Variants in EYS observed in about 807,000 individuals in gnomAD.
EYS encodes the protein EGF-like photoreceptor maintenance factor, also known as protein eyes shut homolog.
EYS carries 250 observed loss-of-function variants against 282.1 expected under a neutral mutation model. The observed-to-expected ratio is 0.89, with a 90% CI of 0.80 to 0.98. The LOEUF (loss-of-function observed/expected upper bound fraction) is 0.98. EYS is among the 50% of genes least tolerant of loss of function. The pLI, the probability that EYS is intolerant of heterozygous loss-of-function variation, is 0.00. For missense variants in EYS, 4,016 were observed against 3,709.0 expected (o/e 1.08, Z -2.15); for synonymous variants, 1,355 against 1,282.9 (o/e 1.06, Z -1.20).
chr6:64,388,768 A>G lies in EYS; in HGVS notation c.6000T>C (p.Asn2000=). The G allele has an allele frequency of 6.5e-7, 1 of 1,545,358 alleles. No homozygotes were observed. Among genetic ancestry groups the G allele is most frequent in the Non-Finnish European group, 8.7e-7 (1 of 1,143,842 alleles). ...TTGGCAGGGGTTTTCCGAGTACATG[A>G]TTGATAGATTCGCATATTTGTGTAT... ...GRNTQICESI[N]HVLGKPLPKS... Residue 2000 remains asparagine, a synonymous_variant, in exon 29 of 43, where the codon AAT becomes AAC. Transcript: ENST00000503581.
chr6:64,530,854 T>C (rs1289561480), intron 26 of EYS, among the ~76,000 whole-genome samples: 1 of 152,098 alleles, frequency 6.6e-6, no homozygotes, highest in Non-Finnish European at 1.5e-5. Context: ...CTCCAAAAGC[T>C]AAACGTGAGT....
intron 31 of EYS, among the ~76,000 whole-genome samples, chr6:64,105,520 C>T (rs896524093): frequency 2.0e-5 from 3 of 152,056 alleles, no homozygotes; most frequent in East Asian, 1.9e-4. Context: ...AACAAATGTA[C>T]GACATGTCCA....
At chr6:64,041,888 C>CT (rs1562170017) in intron 33 of EYS, among the ~76,000 whole-genome samples, 1 of 152,124 alleles carries the variant, frequency 6.6e-6, no homozygotes, top group Non-Finnish European at 1.5e-5. Flanking sequence ...TAAATATGAT[C>CT]TTTTTTTAAA....
At chr6:65,318,325 G>C (rs1769371778) in intron 11 of EYS, among the ~76,000 whole-genome samples, 1 of 151,744 alleles carries the variant, frequency 6.6e-6, no homozygotes, top group Admixed American at 6.6e-5. Context: ...GAGAGAACAA[G>C]AGAGCTCAAC....
chr6:63,816,039 T>C (rs1159138534), intron 36 of EYS, among the ~76,000 whole-genome samples: 1 of 152,130 alleles, frequency 6.6e-6, no homozygotes, highest in African/African-American at 2.4e-5. Context: ...AGTGGCATCT[T>C]GCAAAATACT....
chr6:63,750,062 G>A (rs1483282683), intron 41 of EYS, among the ~76,000 whole-genome samples: 1 of 152,102 alleles, frequency 6.6e-6, no homozygotes, highest in Non-Finnish European at 1.5e-5. Context: ...GAATTGTTCA[G>A]TTCAGTTTTT....
At chr6:65,212,501 G>A (rs1478239081) in intron 12 of EYS, among the ~76,000 whole-genome samples, 3 of 152,006 alleles carry the variant, frequency 2.0e-5, no homozygotes, top group African/African-American at 4.8e-5. Flanking sequence ...TTAGCCACTA[G>A]TTATGTGTTA....
At chr6:64,325,066 G>A (rs1178606717) in intron 29 of EYS, among the ~76,000 whole-genome samples, 4 of 152,090 alleles carry the variant, frequency 2.6e-5, no homozygotes, top group African/African-American at 7.2e-5. Context: ...TATTCCTATC[G>A]AACTACCAAA....
At chr6:64,721,524 C>G (rs888786113) in intron 22 of EYS, among the ~76,000 whole-genome samples, 43 of 152,082 alleles carry the variant, frequency 2.8e-4, no homozygotes, top group African/African-American at 9.9e-4. Flanking sequence ...TTGATGGCCT[C>G]AAATGGGTGG....
chr6:65,622,098 G>C (rs1012364831), intron 2 of EYS, among the ~76,000 whole-genome samples: 2 of 152,090 alleles, frequency 1.3e-5, no homozygotes, highest in African/African-American at 4.8e-5. Flanking sequence ...AGCAATAAAG[G>C]GATATCTAAA....
At position 64,311,992 on chromosome 6, in the gene EYS, T is replaced by TTTTC. The variant is rs1554142339; in HGVS notation, c.6079-4911_6079-4910insGAAA. Among the ~76,000 whole-genome samples the TTTTC allele has an allele frequency of 2.0e-5, 3 of 150,796 alleles. No homozygotes were observed. The East Asian group carries it at 5.9e-4, about 29-fold the overall frequency. ...TAGCTGCAGAAGGTTTTTTTTTTTT[T>TTTTC]CATACCCCAGTGGCACCTGGAATGC... On this transcript the variant is annotated intron_variant, in intron 29 of 42. Coordinates refer to ENST00000503581, the MANE Select transcript of EYS (RefSeq NM_001142800.2).
At chr6:65,130,420 GT>G (rs1356608223) in intron 12 of EYS, among the ~76,000 whole-genome samples, 1 of 151,820 alleles carries the variant, frequency 6.6e-6, no homozygotes, top group Non-Finnish European at 1.5e-5. Context: ...AGTTTTTGAA[GT>G]TGTAAGACAA....
chr6:65,597,220 C>T (rs1165811437), intron 2 of EYS, among the ~76,000 whole-genome samples: 1 of 152,046 alleles, frequency 6.6e-6, no homozygotes, highest in Admixed American at 6.6e-5. Flanking sequence ...CTTTAAATTA[C>T]TAATACGCAC....
chr6:65,520,624 G>A (rs1767330510), intron 2 of EYS, among the ~76,000 whole-genome samples: 2 of 151,508 alleles, frequency 1.3e-5, no homozygotes, highest in Non-Finnish European at 2.9e-5. Context: ...ACATATATGT[G>A]TGTATATATG....
At chr6:64,458,779 A>C (rs2150483283) in intron 26 of EYS, among the ~76,000 whole-genome samples, 1 of 152,228 alleles carries the variant, frequency 6.6e-6, no homozygotes, top group African/African-American at 2.4e-5. Context: ...CTCCATGGAA[A>C]TCCTCTGATC....
chr6:65,543,207 C>T (rs9453325), intron 2 of EYS, among the ~76,000 whole-genome samples: 3,043 of 126,776 alleles, frequency 0.024, 101 homozygotes, highest in African/African-American at 0.086. Context: ...TTAGTAGAGA[C>T]GGGATTTCAC....
intron 28 of EYS, among the ~76,000 whole-genome samples, chr6:64,409,851 T>C (rs899460517): frequency 6.6e-6 from 1 of 151,980 alleles, no homozygotes; most frequent in Non-Finnish European, 1.5e-5. Flanking sequence ...TCTAAATTTT[T>C]TTAAAGACAT....
intron 35 of EYS, among the ~76,000 whole-genome samples, chr6:63,899,831 C>T (rs1273472728): frequency 6.6e-6 from 1 of 152,140 alleles, no homozygotes; most frequent in African/African-American, 2.4e-5. Context: ...GTGTTTTGCC[C>T]CTGCCAGGTG....
chr6:64,887,193 C>A (rs1242275767), intron 18 of EYS, among the ~76,000 whole-genome samples: 3 of 148,760 alleles, frequency 2.0e-5, no homozygotes, highest in African/African-American at 5.0e-5. Flanking sequence ...AAAAACCAAA[C>A]ACCGCATGTT....
Sources: gnomAD v4.1 joint callset for allele counts (sites outside exome capture counted in the v4.1 genomes callset) on GRCh38, gnomAD v4.1.1 for gene constraint, MANE v1.5 for transcripts, NCBI Gene and HGNC (gene_info 2026-07-23, HGNC 2026-07-21) for gene names.